The following MSR1 variants were observed in gnomAD, a reference collection of about 807,000 sequenced individuals.
MSR1 encodes macrophage scavenger receptor 1.
MSR1 carries 53 observed loss-of-function variants against 47.2 expected under a neutral mutation model. That is an observed-to-expected ratio of 1.12 (90% confidence interval 0.90 to 1.41). MSR1 has a LOEUF of 1.41. MSR1 is among the 40% of genes most tolerant of loss of function. The pLI is 0.00. For missense variants in MSR1, 786 were observed against 546.9 expected (o/e 1.44, Z -4.36); for synonymous variants, 239 against 185.6 (o/e 1.29, Z -2.34).
chr8:16,165,130 T>C (rs1801268080), intron 4 of MSR1, among the ~76,000 whole-genome samples: 1 of 152,104 alleles, frequency 6.6e-6, no homozygotes, highest in Admixed American at 6.6e-5. Flanking sequence ...ATATAAGTAC[T>C]TCTATAGAAC....
intron 1 of MSR1, among the ~76,000 whole-genome samples, chr8:16,180,558 T>C (rs1352736235): frequency 2.0e-5 from 3 of 152,316 alleles, no homozygotes; most frequent in Middle Eastern, 3.4e-3. Flanking sequence ...AGCCAACATC[T>C]TCTGATCATT....
intron 9 of MSR1, among the ~76,000 whole-genome samples, chr8:16,117,731 A>T (rs568261147): frequency 6.6e-6 from 1 of 152,232 alleles, no homozygotes; most frequent in South Asian, 2.1e-4. Context: ...GACTGTACAT[A>T]AGCAACACAC....
intron 1 of MSR1, among the ~76,000 whole-genome samples, chr8:16,186,471 C>T (rs963590114): frequency 6.6e-6 from 1 of 152,088 alleles, no homozygotes; most frequent in Admixed American, 6.6e-5. Flanking sequence ...TAATATGGTG[C>T]AAACCTAGAG....
In MSR1 at chr8:16,111,056, T is replaced by A. The variant is rs1450139582; in HGVS notation, c.1223-838A>T. 2.0e-5 allele frequency among the ~76,000 whole-genome samples: 3 copies of A among 152,168 alleles called. No homozygotes were observed. In the East Asian group the frequency reaches 5.8e-4, roughly 29 times the overall value. On this transcript the variant is annotated intron_variant, in intron 9 of 9. Coordinates refer to ENST00000262101, the MANE Select transcript of MSR1 (RefSeq NM_138715.3). ...GGGACACTTTTTAGTTCCCAAATTATCTTACTAGGCATGGCATGTTTCCTA... is the reference window on the plus strand; with the variant it reads ...GGGACACTTTTTAGTTCCCAAATTAACTTACTAGGCATGGCATGTTTCCTA...
chr8:16,115,179 C>T (rs538029641), intron 9 of MSR1, among the ~76,000 whole-genome samples: 3 of 151,262 alleles, frequency 2.0e-5, no homozygotes, highest in South Asian at 4.2e-4. Flanking sequence ...AACTCCATCT[C>T]GAAAAAAAAA....
Position 16,120,616 on chromosome 8 carries a change from TAAA to T in MSR1, c.1034-13_1034-11del, listed in dbSNP as rs60866666. 0.12 allele frequency: 133,150 copies of T among 1,148,482 alleles called. 20 individuals are homozygous for T. Among genetic ancestry groups the T allele is most frequent in the Non-Finnish European group, 0.12 (109,884 of 904,178 alleles). The allele number at this position is 1,148,482 out of a possible 1,614,324, so 71.1% of individuals were successfully genotyped here. A position where few individuals can be genotyped will look rare whatever the true frequency, so the allele number is the denominator to read the frequency against. ...ACTTTCGTAAATGGAGCTGTAAAGT[TAAA>T]AAAAAAAAAAAAAAAAAAAAAAGGC... On this transcript the variant is annotated splice_polypyrimidine_tract_variant and intron_variant, in intron 8 of 9. Transcript: ENST00000262101.
At chr8:16,142,761 C>T (rs937920520) in intron 8 of MSR1, among the ~76,000 whole-genome samples, 7 of 152,084 alleles carry the variant, frequency 4.6e-5, no homozygotes, top group Non-Finnish European at 8.8e-5. Context: ...AATATGATCA[C>T]CCTGTTTGTG....
At chr8:16,159,616 T>G (rs1801107091) in intron 5 of MSR1, among the ~76,000 whole-genome samples, 1 of 152,024 alleles carries the variant, frequency 6.6e-6, no homozygotes, top group Non-Finnish European at 1.5e-5. Flanking sequence ...TATAATTTAA[T>G]TAATAGATAT....
chr8:16,175,778 A>G (rs1801628087), intron 2 of MSR1, among the ~76,000 whole-genome samples: 1 of 152,158 alleles, frequency 6.6e-6, no homozygotes, highest in Admixed American at 6.6e-5. Flanking sequence ...TTCCTTCTCA[A>G]TAGTTTTGTA....
chr8:16,162,402 C>G (rs1801186485), intron 5 of MSR1, among the ~76,000 whole-genome samples: 1 of 151,942 alleles, frequency 6.6e-6, no homozygotes, highest in African/African-American at 2.4e-5. Context: ...ATACTTCAGG[C>G]AGAAGGAAAA....
At chr8:16,179,498 C>T (rs1381205895) in intron 1 of MSR1, among the ~76,000 whole-genome samples, 1 of 152,096 alleles carries the variant, frequency 6.6e-6, no homozygotes, top group Admixed American at 6.6e-5. Context: ...ATTTTAATTA[C>T]TCTATTTGCT....
At chr8:16,158,985 G>A (rs1801088097) in intron 5 of MSR1, among the ~76,000 whole-genome samples, 1 of 139,292 alleles carries the variant, frequency 7.2e-6, no homozygotes, top group Non-Finnish European at 1.5e-5. Context: ...GCCTAGGCTG[G>A]TCTTGAACTT....
chr8:16,133,886 A>G (rs1436265246), intron 8 of MSR1, among the ~76,000 whole-genome samples: 2 of 152,074 alleles, frequency 1.3e-5, no homozygotes, highest in African/African-American at 4.8e-5. Context: ...ACTCAACCTT[A>G]ATTTCTAAGT....
At chr8:16,111,830 A>C (rs1366554614) in intron 9 of MSR1, among the ~76,000 whole-genome samples, 2 of 152,214 alleles carry the variant, frequency 1.3e-5, no homozygotes, top group African/African-American at 4.8e-5. Flanking sequence ...GAAACTGAAA[A>C]TCAGCAAGGA....
chr8:16,174,313 T>C (rs191513554), intron 3 of MSR1, among the ~76,000 whole-genome samples: 64 of 152,304 alleles, frequency 4.2e-4, no homozygotes, highest in African/African-American at 1.5e-3. Context: ...TCCCAGCCTA[T>C]CTCTTATTAG....
chr8:16,140,843 G>T, intron 8 of MSR1: 1 of 1,570,964 alleles, frequency 6.4e-7, no homozygotes, highest in Non-Finnish European at 8.6e-7. Context: ...GGGACCAGGA[G>T]AGAAGGCCAT....
chr8:16,170,676 A>C (rs1311456165), intron 3 of MSR1, among the ~76,000 whole-genome samples: 3 of 152,134 alleles, frequency 2.0e-5, no homozygotes, highest in Non-Finnish European at 4.4e-5. Context: ...ATTAAACAAC[A>C]CATGAAAAAC....
In MSR1 at chr8:16,120,805, T is replaced by C. The variant is rs1585136309; in HGVS notation, c.1034-199A>G. 3 of 678,854 alleles carry C rather than the reference T, an allele frequency of 4.4e-6. No homozygotes were observed. In the East Asian group the frequency reaches 8.5e-5, roughly 19 times the overall value. The allele number at this position is 678,854 out of a possible 1,614,324, so 42.1% of individuals were successfully genotyped here. On this transcript the variant is annotated intron_variant, in intron 8 of 9. Transcript: ENST00000262101. ...AGTTTAACTGCAAATATTGCAGCTT[T>C]AACAGCTGTTAAGAGCAAAATCCAA...
At chr8:16,186,839 C>G (rs573784294) in intron 1 of MSR1, among the ~76,000 whole-genome samples, 2 of 152,022 alleles carry the variant, frequency 1.3e-5, no homozygotes, top group East Asian at 1.9e-4. Flanking sequence ...ATCTCAAACT[C>G]TTTAGCCTCA....
Sources: allele counts gnomAD v4.1 joint callset (sites outside exome capture counted in the v4.1 genomes callset), GRCh38; gene constraint gnomAD v4.1.1; transcripts MANE v1.5; gene names NCBI Gene and HGNC (gene_info 2026-07-23, HGNC 2026-07-21).